Variants in DAP3 observed in about 807,000 individuals in gnomAD.
DAP3 encodes small ribosomal subunit protein mS29.
A neutral mutation model predicts 51.9 loss-of-function variants in DAP3; 28 were observed. The ratio of observed to expected loss-of-function variants is 0.54; its 90% confidence interval spans 0.40 to 0.74. The LOEUF is 0.74. Among genes scored for constraint, DAP3 ranks in the 30% least tolerant of loss-of-function variants. The pLI is 0.00. For synonymous variants in DAP3, 170 were observed against 170.3 expected (o/e 1.00, Z 0.01); for missense variants, 458 against 483.5 (o/e 0.95, Z 0.49).
chr1:155,731,042 G>T (rs1659182927), intron 9 of DAP3, among the ~76,000 whole-genome samples: 1 of 152,062 alleles, frequency 6.6e-6, no homozygotes, highest in Non-Finnish European at 1.5e-5. Flanking sequence ...GGCCGAGGTG[G>T]GTGGATCACA....
intron 1 of DAP3, among the ~76,000 whole-genome samples, chr1:155,705,241 G>T (rs180681538): frequency 6.6e-6 from 1 of 151,952 alleles, no homozygotes; most frequent in African/African-American, 2.4e-5. Flanking sequence ...AGCTGTGATT[G>T]TGCCACTGTA....
chr1:155,734,544 C>T (rs772609246), intron 11 of DAP3, among the ~76,000 whole-genome samples: 32 of 152,114 alleles, frequency 2.1e-4, no homozygotes, highest in Non-Finnish European at 4.0e-4. Context: ...TCTTATACTT[C>T]CCATGCCCAG....
intron 11 of DAP3, among the ~76,000 whole-genome samples, chr1:155,735,242 T>C (rs1047763889): frequency 6.6e-6 from 1 of 151,350 alleles, no homozygotes; most frequent in Non-Finnish European, 1.5e-5. Context: ...GATGTGCCAA[T>C]GCACTCCAGC....
At chr1:155,730,944 G>T (rs146566089) in intron 9 of DAP3, among the ~76,000 whole-genome samples, 1 of 152,102 alleles carries the variant, frequency 6.6e-6, no homozygotes, top group African/African-American at 2.4e-5. Flanking sequence ...GTACCTTCAG[G>T]TATACAATTA....
intron 3 of DAP3, among the ~76,000 whole-genome samples, chr1:155,720,395 C>A (rs184104770): frequency 0.013 from 1,888 of 148,318 alleles, 15 homozygotes; most frequent in Non-Finnish European, 0.021. Flanking sequence ...GTAATCCCAG[C>A]ACTTTGGGAA....
chr1:155,738,390 A>C lies in DAP3; in HGVS notation c.*148A>C. On this transcript the variant is annotated 3_prime_UTR_variant, in exon 13 of 13. Transcript: ENST00000368336. ...GGACTGCAGTTGGCTCTGGACCTGC[A>C]TTAAAATGGGTTTCACTGTGAATGC... 1 of 660,664 alleles carries C rather than the reference A, an allele frequency of 1.5e-6. No homozygotes were observed. The highest frequency in any genetic ancestry group is 2.4e-5 in the South Asian group (1 of 41,970). 40.9% of individuals were successfully genotyped at this position (660,664 alleles called of 1,614,324 possible). A position where few individuals can be genotyped will look rare whatever the true frequency, so the allele number is the denominator to read the frequency against.
intron 11 of DAP3, among the ~76,000 whole-genome samples, chr1:155,735,593 A>C (rs1659694624): frequency 6.6e-6 from 1 of 150,958 alleles, no homozygotes; most frequent in Non-Finnish European, 1.5e-5. Context: ...AATGAAAAAA[A>C]AAAAAGAAAT....
intron 1 of DAP3, among the ~76,000 whole-genome samples, chr1:155,702,266 G>A (rs544567777): frequency 7.0e-4 from 105 of 150,700 alleles, no homozygotes; most frequent in African/African-American, 2.5e-3. Context: ...TCAGGAGATC[G>A]AGATCATCCT....
intron 1 of DAP3, among the ~76,000 whole-genome samples, chr1:155,693,727 C>G (rs565367551): frequency 7.1e-6 from 1 of 141,708 alleles, no homozygotes; most frequent in African/African-American, 3.2e-5. Context: ...TTTGGGAGGC[C>G]GAGGCCGGCA....
At position 155,691,880 on chromosome 1, in the gene DAP3, G is replaced by A. The variant is rs1292391189; in HGVS notation, c.-8+2706G>A. On this transcript the variant is annotated intron_variant, in intron 1 of 12. Coordinates refer to ENST00000368336, the MANE Select transcript of DAP3 (RefSeq NM_004632.4). ...CGTAGGGTATCCGAAGTCCGGTGGCGACAAAGGAATGAGAAGAGACAGGTT... is the reference window on the plus strand; with the variant it reads ...CGTAGGGTATCCGAAGTCCGGTGGCAACAAAGGAATGAGAAGAGACAGGTT... 3.5e-5 allele frequency among the ~76,000 whole-genome samples: 5 copies of A among 141,332 alleles called. 1 individual carries two copies. Among genetic ancestry groups the A allele is most frequent in the African/African-American group, 1.3e-4 (4 of 30,920 alleles). 92.7% of individuals were successfully genotyped at this position (141,332 alleles called of 152,430 possible). A position where few individuals can be genotyped will look rare whatever the true frequency, so the allele number is the denominator to read the frequency against.
intron 2 of DAP3, among the ~76,000 whole-genome samples, chr1:155,714,972 G>A (rs1376488130): frequency 6.6e-6 from 1 of 152,052 alleles, no homozygotes; most frequent in African/African-American, 2.4e-5. Context: ...GGAGCCTGGG[G>A]TGGGAGGACC....
intron 11 of DAP3, among the ~76,000 whole-genome samples, chr1:155,734,416 A>G (rs1335594857): frequency 1.3e-5 from 2 of 151,826 alleles, no homozygotes; most frequent in African/African-American, 2.4e-5. Context: ...GCCTCAGGCA[A>G]TCCTCCCACC....
At chr1:155,731,330 CTT>C in intron 9 of DAP3, 24 bp from the exon 10 acceptor site, 1 of 1,611,020 alleles carries the variant, frequency 6.2e-7, no homozygotes, top group Non-Finnish European at 8.5e-7. Flanking sequence ...GTGATGATCT[CTT>C]CTCTCTTTCT....
intron 2 of DAP3, among the ~76,000 whole-genome samples, chr1:155,712,163 G>A (rs939919674): frequency 1.1e-4 from 16 of 152,104 alleles, no homozygotes; most frequent in African/African-American, 1.4e-4. Context: ...TAACCATCAC[G>A]GTGATCTTCT....
At chr1:155,726,800 A>G (rs181505751) in intron 6 of DAP3, 312 of 153,476 alleles carry the variant, frequency 2.0e-3, no homozygotes, top group Admixed American at 4.0e-3. Flanking sequence ...AAAAAAAAAA[A>G]AAGAAGAAGA....
chr1:155,708,236 A>G (rs1656237550), intron 1 of DAP3, among the ~76,000 whole-genome samples: 1 of 152,042 alleles, frequency 6.6e-6, no homozygotes, highest in Non-Finnish European at 1.5e-5. Context: ...TTTAGTAGAG[A>G]TTGGGTTTCA....
chr1:155,691,203 A>G (rs1254604741), intron 1 of DAP3, among the ~76,000 whole-genome samples: 1 of 142,088 alleles, frequency 7.0e-6, no homozygotes, highest in Non-Finnish European at 1.5e-5. Flanking sequence ...CACCATGCCC[A>G]GCCTCCACTA....
chr1:155,711,009 T>C (rs940417041), intron 2 of DAP3, among the ~76,000 whole-genome samples: 4 of 152,242 alleles, frequency 2.6e-5, no homozygotes, highest in South Asian at 2.1e-4. Context: ...CAGCTGATTA[T>C]TTAATTACAG....
At chr1:155,688,909 C>T, upstream of DAP3, 1 of 1,613,030 alleles carries the variant, frequency 6.2e-7, no homozygotes, top group African/African-American at 1.3e-5. Flanking sequence ...GGGTGGCCGG[C>T]CGAGTCCCAT....
Sources: gnomAD v4.1 joint callset for allele counts (sites outside exome capture counted in the v4.1 genomes callset) on GRCh38, gnomAD v4.1.1 for gene constraint, MANE v1.5 for transcripts, NCBI Gene and HGNC (gene_info 2026-07-23, HGNC 2026-07-21) for gene names.